The following SBNO1 variants were observed in gnomAD, a reference collection of about 807,000 sequenced individuals.
SBNO1 encodes the protein protein strawberry notch homolog 1.
In SBNO1, 23 loss-of-function variants were observed where a neutral mutation model predicts 173.6. The observed-to-expected ratio is 0.13, with a 90% confidence interval of 0.10 to 0.19. SBNO1 has a LOEUF of 0.19. Among genes scored for constraint, SBNO1 ranks in the 10% least tolerant of loss-of-function variants. SBNO1 has a pLI of 1.00. For synonymous variants in SBNO1, 632 were observed against 571.5 expected, an observed-to-expected ratio of 1.11 and a Z score of -1.51; for missense variants, 1,238 against 1,671.2, an observed-to-expected ratio of 0.74 and a Z score of 4.52.
intron 31 of SBNO1, among the ~76,000 whole-genome samples, chr12:123,296,588 G>A (rs1251828031): frequency 6.7e-6 from 1 of 150,098 alleles, no homozygotes; most frequent in Non-Finnish European, 1.5e-5. Flanking sequence ...CTGAGATGGA[G>A]TATTGCTCTG....
chr12:123,344,584 G>A (rs760264120), intron 4 of SBNO1, among the ~76,000 whole-genome samples: 5 of 152,208 alleles, frequency 3.3e-5, no homozygotes, highest in Admixed American at 1.3e-4. Flanking sequence ...TGGTACTCAC[G>A]CCTGTAATCC....
chr12:123,334,253 A>G lies in SBNO1; in HGVS notation c.749-40T>C, dbSNP rs780115625. 12 of 1,145,146 alleles carry G rather than the reference A, an allele frequency of 1.0e-5. No homozygotes were observed. In the African/African-American group the frequency reaches 1.8e-4, roughly 17 times the overall value. 70.9% of individuals were successfully genotyped at this position (1,145,146 alleles called of 1,614,324 possible). A position where few individuals can be genotyped will look rare whatever the true frequency, so the allele number is the denominator to read the frequency against. On this transcript the variant is annotated intron_variant, in intron 6 of 31. Coordinates refer to ENST00000602398, the MANE Select transcript of SBNO1 (RefSeq NM_001167856.3). Reference sequence around the variant, plus strand: ...AAAAACATTTTATTTTAATTATTCTAAGTAATAACATTTCCAGTTTCATTA... The same window carrying G: ...AAAAACATTTTATTTTAATTATTCTGAGTAATAACATTTCCAGTTTCATTA...
At chr12:123,325,427 GA>G (rs1336821139) in intron 15 of SBNO1, 74 bp downstream of exon 15, 28 of 1,024,078 alleles carry the variant, frequency 2.7e-5, no homozygotes, top group Non-Finnish European at 3.0e-6. Context: ...TTGTCTCCAG[GA>G]AATGCCCACA....
chr12:123,347,984 T>G (rs1171795827), intron 3 of SBNO1, 45 bp downstream of exon 3: 1 of 1,264,334 alleles, frequency 7.9e-7, no homozygotes, highest in Non-Finnish European at 1.1e-6. Context: ...CTCACTACAC[T>G]TCTAAACTAT....
At chr12:123,320,052 A>C in intron 19 of SBNO1, 21 bp from the exon 20 acceptor site, 3 of 1,613,512 alleles carry the variant, frequency 1.9e-6, no homozygotes, top group Non-Finnish European at 2.5e-6. Flanking sequence ...AAACAATGTC[A>C]TTACAATGAA....
intron 12 of SBNO1, 32 bp downstream of exon 12, chr12:123,327,675 C>T (rs760926069): frequency 1.3e-6 from 2 of 1,587,632 alleles, no homozygotes; most frequent in Non-Finnish European, 1.7e-6. Context: ...TAGATTGCTA[C>T]TGAGAAGAGT....
rs564794347 is a variant in SBNO1 at position 123,291,153 on chromosome 12, AT to A, written c.*4754del. ...AAACAGCAGCAGGCTACCTGTGTTC[AT>A]TGCAAGTAAATTACTCATCATTTGT... On this transcript the variant is annotated 3_prime_UTR_variant, in exon 32 of 32. Transcript: ENST00000602398. The A allele has an allele frequency of 1.4e-3, 216 of 152,250 alleles. 1 individual carries two copies. The highest frequency in any genetic ancestry group is 4.7e-3 in the African/African-American group (197 of 41,538). 9.4% of individuals were successfully genotyped at this position (152,250 alleles called of 1,614,324 possible). A position where few individuals can be genotyped will look rare whatever the true frequency, so the allele number is the denominator to read the frequency against.
rs572357000 is a variant in SBNO1 at position 123,315,355 on chromosome 12, C to G, written c.3120+18G>C. On this transcript the variant is annotated intron_variant, in intron 23 of 31. Coordinates refer to ENST00000602398, the MANE Select transcript of SBNO1 (RefSeq NM_001167856.3). Reference sequence around the variant, plus strand: ...ACACTATCACAAGTTTTCAGAGATACTGAAAATTGAAATGTACCTTATTAT... The same window carrying G: ...ACACTATCACAAGTTTTCAGAGATAGTGAAAATTGAAATGTACCTTATTAT... 58 of 1,585,476 alleles carry G rather than the reference C, an allele frequency of 3.7e-5. No individual in the cohort carries two copies. Among genetic ancestry groups the G allele is most frequent in the Admixed American group, 6.7e-5 (4 of 59,930 alleles).
chr12:123,314,342 T>C (rs1869006841), intron 23 of SBNO1, among the ~76,000 whole-genome samples: 1 of 150,840 alleles, frequency 6.6e-6, no homozygotes, highest in African/African-American at 2.4e-5. Flanking sequence ...AAATTTTTTT[T>C]TTCTTTGAGA....
chr12:123,338,327 C>T (rs182881221), intron 5 of SBNO1, among the ~76,000 whole-genome samples: 1 of 150,862 alleles, frequency 6.6e-6, no homozygotes, highest in Non-Finnish European at 1.5e-5. Context: ...CAGGGGTGGG[C>T]GGATCACCTG....
At chr12:123,359,134 C>T (rs1451424119) in intron 1 of SBNO1, among the ~76,000 whole-genome samples, 1 of 151,842 alleles carries the variant, frequency 6.6e-6, no homozygotes. Flanking sequence ...AGGGTTTCAC[C>T]GTGCTAGCCA....
intron 30 of SBNO1, among the ~76,000 whole-genome samples, chr12:123,299,160 A>C (rs567528792): frequency 6.6e-6 from 1 of 152,280 alleles, no homozygotes; most frequent in Non-Finnish European, 1.5e-5. Context: ...CAAAGTCAGG[A>C]GACTGAGACC....
chr12:123,357,541 G>A (rs1445427435), intron 1 of SBNO1, among the ~76,000 whole-genome samples: 1 of 151,946 alleles, frequency 6.6e-6, no homozygotes, highest in Non-Finnish European at 1.5e-5. Flanking sequence ...AAGAGATTGA[G>A]ACCATCCTGG....
chr12:123,328,724 T>A lies in SBNO1; in HGVS notation c.1296+10A>T, dbSNP rs1169175591. ...TTAAAAAATAGAAAAATATTTGCCA[T>A]AAAGGATACCACTCCATCGAAGTCA... On this transcript the variant is annotated intron_variant, in intron 10 of 31. Coordinates refer to ENST00000602398, the MANE Select transcript of SBNO1 (RefSeq NM_001167856.3). 6.7e-7 allele frequency: 1 copy of A among 1,503,334 alleles called. No individual in the cohort carries two copies. The highest frequency in any genetic ancestry group is 8.9e-7 in the Non-Finnish European group (1 of 1,118,286). 93.1% of individuals were successfully genotyped at this position (1,503,334 alleles called of 1,614,324 possible).
At chr12:123,364,255 T>C (rs1187777296) in intron 1 of SBNO1, 3 of 985,376 alleles carry the variant, frequency 3.0e-6, no homozygotes, top group South Asian at 4.7e-5. Context: ...GGAGCAATGC[T>C]GGGGCACGAA....
In SBNO1 at chr12:123,293,658, C is replaced by G. The variant is rs1445906765; in HGVS notation, c.*2250G>C. 1 of 152,174 alleles carries G rather than the reference C, an allele frequency of 6.6e-6. No individual in the cohort carries two copies. The highest frequency in any genetic ancestry group is 1.5e-5 in the Non-Finnish European group (1 of 68,048). The allele number at this position is 152,174 out of a possible 1,614,324, so 9.4% of individuals were successfully genotyped here. Reference sequence around the variant, plus strand: ...CTACAAAGAACCTAAGATACATACACTCCTATTTATCAAGATGGCTAGTCC... The same window carrying G: ...CTACAAAGAACCTAAGATACATACAGTCCTATTTATCAAGATGGCTAGTCC... On this transcript the variant is annotated 3_prime_UTR_variant, in exon 32 of 32. Transcript: ENST00000602398.
In SBNO1 at chr12:123,295,401, A is replaced by G. The variant is rs1393833644; in HGVS notation, c.*507T>C. The G allele has an allele frequency of 6.6e-6, 1 of 152,322 alleles. No individual in the cohort carries two copies. The highest frequency in any genetic ancestry group is 1.9e-4 in the East Asian group (1 of 5,208). 9.4% of individuals were successfully genotyped at this position (152,322 alleles called of 1,614,324 possible). ...CTGAATGCATGATATGCAACCTTTCATTTCATGCTTTAATAAACCTATTAA... is the reference window on the plus strand; with the variant it reads ...CTGAATGCATGATATGCAACCTTTCGTTTCATGCTTTAATAAACCTATTAA... On this transcript the variant is annotated 3_prime_UTR_variant, in exon 32 of 32. Transcript: ENST00000602398.
rs565539087 is a variant in SBNO1 at position 123,306,720 on chromosome 12, C to T, written c.3631-2001G>A. Among the ~76,000 whole-genome samples the T allele has an allele frequency of 2.2e-3, 327 of 151,928 alleles. 4 individuals carry two copies. Among genetic ancestry groups the T allele is most frequent in the South Asian group, 2.1e-3 (10 of 4,818 alleles). On this transcript the variant is annotated intron_variant, in intron 28 of 31. Transcript: ENST00000602398. ...CAAAATTGCATCTATGGGGGATAGC[C>T]GAGTAAAATACTTGAATTCTACCAA... is the stretch of plus-strand genomic sequence containing the variant.
In SBNO1 at chr12:123,292,846, TAATC is replaced by T. The variant is rs2048532408; in HGVS notation, c.*3058_*3061del. The T allele has an allele frequency of 6.6e-6, 1 of 152,248 alleles. No individual in the cohort carries two copies. Among genetic ancestry groups the T allele is most frequent in the Non-Finnish European group, 1.5e-5 (1 of 68,040 alleles). The allele number at this position is 152,248 out of a possible 1,614,324, so 9.4% of individuals were successfully genotyped here. ...AAAACTGCTTAACATATTTGCTTCT[TAATC>T]AAGTTGTGTTTAAAGAAATGCATTA... On this transcript the variant is annotated 3_prime_UTR_variant, in exon 32 of 32. Coordinates refer to ENST00000602398, the MANE Select transcript of SBNO1 (RefSeq NM_001167856.3).
Sources: gnomAD v4.1 joint callset for allele counts (sites outside exome capture counted in the v4.1 genomes callset) on GRCh38, gnomAD v4.1.1 for gene constraint, MANE v1.5 for transcripts, NCBI Gene and HGNC (gene_info 2026-07-23, HGNC 2026-07-21) for gene names.